NOS1AP: variants seen among roughly 807,000 people sequenced by gnomAD.
NOS1AP encodes carboxyl-terminal PDZ ligand of neuronal nitric oxide synthase protein.
Under a neutral mutation model 56.2 loss-of-function variants are expected in NOS1AP, and 21 were observed. That is an observed-to-expected ratio of 0.37 (90% CI 0.26 to 0.54). The LOEUF (loss-of-function observed/expected upper bound fraction) is 0.54. Ranked by LOEUF, NOS1AP falls within the 20% of genes least tolerant of loss-of-function variation. The pLI, the probability that NOS1AP is intolerant of heterozygous loss-of-function variation, is 0.84. For missense variants in NOS1AP, 522 were observed against 657.8 expected (o/e 0.79, Z 2.26); for synonymous variants, 270 against 274.6 (o/e 0.98, Z 0.17).
intron 2 of NOS1AP, among the ~76,000 whole-genome samples, chr1:162,212,184 C>T (rs1652371181): frequency 6.6e-6 from 1 of 152,218 alleles, no homozygotes; most frequent in South Asian, 2.1e-4. Flanking sequence ...GGTGAGACAG[C>T]TCATCGTGTG....
chr1:162,088,974 C>G (rs1207899600), intron 1 of NOS1AP, among the ~76,000 whole-genome samples: 1 of 152,168 alleles, frequency 6.6e-6, no homozygotes, highest in Non-Finnish European at 1.5e-5. Context: ...TCTCCTTCCC[C>G]TTCATCTCTC....
In NOS1AP at chr1:162,093,732, T is replaced by C. The variant is rs543249619; in HGVS notation, c.105+23450T>C. On this transcript the variant is annotated intron_variant, in intron 1 of 9. Transcript: ENST00000361897. ...ACCACCCTGGCTAACTTTTTATTTT[T>C]AGTGGAATCGAGGTCTCACTATATT... is the stretch of plus-strand genomic sequence containing the variant. Among the ~76,000 whole-genome samples the C allele has an allele frequency of 3.9e-4, 56 of 144,314 alleles. 2 individuals carry two copies. Among genetic ancestry groups the C allele is most frequent in the African/African-American group, 1.2e-3 (50 of 40,370 alleles). The allele number at this position is 144,314 out of a possible 152,430, so 94.7% of individuals were successfully genotyped here. A position where few individuals can be genotyped will look rare whatever the true frequency, so the allele number is the denominator to read the frequency against.
chr1:162,108,571 A>G (rs1342170521), intron 1 of NOS1AP, among the ~76,000 whole-genome samples: 1 of 152,208 alleles, frequency 6.6e-6, no homozygotes, highest in Non-Finnish European at 1.5e-5. Flanking sequence ...AGGAGAGATG[A>G]AGAGGGAATG....
At chr1:162,169,948 T>G (rs1373478842) in intron 2 of NOS1AP, among the ~76,000 whole-genome samples, 1 of 152,166 alleles carries the variant, frequency 6.6e-6, no homozygotes, top group Non-Finnish European at 1.5e-5. Flanking sequence ...CCTCCCTCCC[T>G]TTCCTGCCTG....
chr1:162,351,333 C>G (rs1205970233), intron 6 of NOS1AP, among the ~76,000 whole-genome samples: 1 of 152,218 alleles, frequency 6.6e-6, no homozygotes, highest in Non-Finnish European at 1.5e-5. Flanking sequence ...TTTGACTGTA[C>G]CAATCTGGCT....
chr1:162,324,807 G>A (rs1656531063), intron 4 of NOS1AP, among the ~76,000 whole-genome samples: 1 of 152,110 alleles, frequency 6.6e-6, no homozygotes, highest in Non-Finnish European at 1.5e-5. Flanking sequence ...TCTTATATTT[G>A]CATTTCTCTG....
At chr1:162,354,101 A>G (rs1392080803) in intron 6 of NOS1AP, among the ~76,000 whole-genome samples, 1 of 152,218 alleles carries the variant, frequency 6.6e-6, no homozygotes, top group Non-Finnish European at 1.5e-5. Flanking sequence ...GTAGGTTTGC[A>G]TAGGAAAACT....
intron 2 of NOS1AP, among the ~76,000 whole-genome samples, chr1:162,276,178 A>T (rs16859474): frequency 0.018 from 2,685 of 152,286 alleles, 89 homozygotes; most frequent in East Asian, 0.14. Context: ...GAGTTGGGTT[A>T]TGGCACTTTG....
chr1:162,224,121 C>T (rs2101660840), intron 2 of NOS1AP, among the ~76,000 whole-genome samples: 1 of 151,912 alleles, frequency 6.6e-6, no homozygotes, highest in South Asian at 2.1e-4. Context: ...ACAAATTTTG[C>T]AGTCCTAACG....
At chr1:162,089,989 TATA>T (rs1280273888) in intron 1 of NOS1AP, among the ~76,000 whole-genome samples, 1 of 152,206 alleles carries the variant, frequency 6.6e-6, no homozygotes, top group Non-Finnish European at 1.5e-5. Flanking sequence ...CATTACACAT[TATA>T]ATATTTCCTT....
intron 1 of NOS1AP, among the ~76,000 whole-genome samples, chr1:162,083,610 G>T (rs1043068433): frequency 8.6e-5 from 13 of 152,036 alleles, no homozygotes; most frequent in Non-Finnish European, 1.6e-4. Context: ...CTATATTCTG[G>T]GCACCTGTAT....
chr1:162,180,994 G>A (rs1345470470), intron 2 of NOS1AP, among the ~76,000 whole-genome samples: 1 of 152,188 alleles, frequency 6.6e-6, no homozygotes, highest in Non-Finnish European at 1.5e-5. Flanking sequence ...TATCCTCAAG[G>A]TCTATCAGCC....
intron 2 of NOS1AP, among the ~76,000 whole-genome samples, chr1:162,263,507 C>T (rs919293842): frequency 3.3e-4 from 50 of 152,190 alleles, no homozygotes; most frequent in African/African-American, 9.2e-4. Flanking sequence ...TTCTGAGAGA[C>T]ACATTGCAAT....
intron 3 of NOS1AP, among the ~76,000 whole-genome samples, chr1:162,288,802 T>C (rs1276278496): frequency 6.6e-6 from 1 of 152,254 alleles, no homozygotes; most frequent in Admixed American, 6.5e-5. Flanking sequence ...TTCACAAGTA[T>C]AGGGAATTAA....
chr1:162,323,524 T>C (rs1226449985), intron 4 of NOS1AP, among the ~76,000 whole-genome samples: 1 of 152,226 alleles, frequency 6.6e-6, no homozygotes, highest in Non-Finnish European at 1.5e-5. Flanking sequence ...AATAACTGTA[T>C]CCACTTCATA....
intron 2 of NOS1AP, among the ~76,000 whole-genome samples, chr1:162,171,963 G>A (rs1196502247): frequency 2.0e-5 from 3 of 152,166 alleles, no homozygotes; most frequent in Non-Finnish European, 4.4e-5. Context: ...ATGGAAAGGT[G>A]TCATTCCCAA....
chr1:162,179,599 A>G (rs1171065427), intron 2 of NOS1AP, among the ~76,000 whole-genome samples: 1 of 152,226 alleles, frequency 6.6e-6, no homozygotes, highest in East Asian at 1.9e-4. Context: ...GAGAATGTAA[A>G]GAAACATTAT....
rs1242536656 is a variant in NOS1AP at position 162,190,616 on chromosome 1, A to T, written c.177+36140A>T. Among the ~76,000 whole-genome samples, 4 of 152,290 alleles carry T rather than the reference A, an allele frequency of 2.6e-5. 1 individual carries two copies. The highest frequency in any genetic ancestry group is 2.1e-4 in the South Asian group (1 of 4,810). On this transcript the variant is annotated intron_variant, in intron 2 of 9. Transcript: ENST00000361897. ...TTTATCATTTCCTTGTGTTGGGAACATTCAGTGTCTTCCTTCTAGCTATCT... is the reference window on the plus strand; with the variant it reads ...TTTATCATTTCCTTGTGTTGGGAACTTTCAGTGTCTTCCTTCTAGCTATCT...
At chr1:162,162,820 AT>A (rs1438626254) in intron 2 of NOS1AP, among the ~76,000 whole-genome samples, 1 of 152,196 alleles carries the variant, frequency 6.6e-6, no homozygotes, top group East Asian at 1.9e-4. Flanking sequence ...TGCATACCAT[AT>A]AACTCGCCCA....
Sources: gnomAD v4.1 joint callset for allele counts (sites outside exome capture counted in the v4.1 genomes callset) on GRCh38, gnomAD v4.1.1 for gene constraint, MANE v1.5 for transcripts, NCBI Gene and HGNC (gene_info 2026-07-23, HGNC 2026-07-21) for gene names.